The following TRPM3 variants were observed in gnomAD, a reference collection of about 807,000 sequenced individuals.
TRPM3 encodes the protein long transient receptor potential channel 3.
Under a neutral mutation model 181.2 loss-of-function variants are expected in TRPM3, and 77 were observed. That is an observed-to-expected ratio of 0.42 (90% CI 0.35 to 0.51). The LOEUF is 0.51. TRPM3 is among the 20% of genes least tolerant of loss of function. The pLI, the probability that TRPM3 is intolerant of heterozygous loss-of-function variation, is 0.01. For missense variants in TRPM3, 1,759 were observed against 2,196.7 expected, an observed-to-expected ratio of 0.80 and a Z score of 3.98; for synonymous variants, 745 against 796.4, an observed-to-expected ratio of 0.94 and a Z score of 1.09.
chr9:70,970,268 C>T (rs1260172209), intron 1 of TRPM3, among the ~76,000 whole-genome samples: 5 of 152,102 alleles, frequency 3.3e-5, no homozygotes, highest in South Asian at 2.1e-4. Context: ...ATAAATGATG[C>T]CCCTTAGGGT....
chr9:71,319,520 G>A (rs141730676), intron 1 of TRPM3, among the ~76,000 whole-genome samples: 4 of 152,206 alleles, frequency 2.6e-5, no homozygotes, highest in East Asian at 1.9e-4. Context: ...TAATGGCTTG[G>A]ATGATGCCTG....
intron 1 of TRPM3, among the ~76,000 whole-genome samples, chr9:71,084,687 G>A (rs2064980482): frequency 6.6e-6 from 1 of 151,954 alleles, no homozygotes; most frequent in Non-Finnish European, 1.5e-5. Context: ...TCATTAAAAT[G>A]GCCATGCTGC....
intron 1 of TRPM3, among the ~76,000 whole-genome samples, chr9:71,258,418 T>C (rs1249117659): frequency 1.3e-5 from 2 of 152,210 alleles, no homozygotes; most frequent in Non-Finnish European, 2.9e-5. Context: ...ATGAATTCTA[T>C]TTATTACAGG....
At chr9:70,689,975 T>C (rs2068041226) in intron 8 of TRPM3, among the ~76,000 whole-genome samples, 1 of 152,124 alleles carries the variant, frequency 6.6e-6, no homozygotes, top group Non-Finnish European at 1.5e-5. Flanking sequence ...GACAATGAAA[T>C]TGACTCACTT....
intron 1 of TRPM3, among the ~76,000 whole-genome samples, chr9:71,027,718 GC>G (rs1424903397): frequency 6.6e-6 from 1 of 152,120 alleles, no homozygotes; most frequent in East Asian, 1.9e-4. Flanking sequence ...AAATCTCAGA[GC>G]CTTGAAGACT....
intron 1 of TRPM3, among the ~76,000 whole-genome samples, chr9:70,998,110 G>A (rs2134198425): frequency 6.8e-6 from 1 of 147,912 alleles, no homozygotes; most frequent in Non-Finnish European, 1.5e-5. Context: ...CATATATAAT[G>A]CTCTAATTGT....
intron 1 of TRPM3, among the ~76,000 whole-genome samples, chr9:71,024,181 A>G (rs554828288): frequency 6.6e-6 from 1 of 152,332 alleles, no homozygotes; most frequent in South Asian, 2.1e-4. Context: ...AAATATTAAA[A>G]AACATATAAA....
intron 9 of TRPM3, among the ~76,000 whole-genome samples, chr9:70,669,144 G>T (rs958645207): frequency 6.6e-6 from 1 of 152,246 alleles, no homozygotes; most frequent in Non-Finnish European, 1.5e-5. Context: ...GCTGCCATCA[G>T]AACTGGCTGC....
At chr9:71,111,672 T>C (rs937186578) in intron 1 of TRPM3, among the ~76,000 whole-genome samples, 18 of 152,312 alleles carry the variant, frequency 1.2e-4, no homozygotes, top group African/African-American at 4.3e-4. Context: ...CCTGCAAACT[T>C]ATCTGCCAGG....
intron 1 of TRPM3, among the ~76,000 whole-genome samples, chr9:70,905,499 T>C (rs2096451103): frequency 6.6e-6 from 1 of 152,224 alleles, no homozygotes; most frequent in Non-Finnish European, 1.5e-5. Context: ...GTTGTAATTA[T>C]ACAATTATAT....
intron 1 of TRPM3, among the ~76,000 whole-genome samples, chr9:71,139,068 A>T (rs1351860125): frequency 6.6e-6 from 1 of 152,050 alleles, no homozygotes; most frequent in Non-Finnish European, 1.5e-5. Context: ...GTTACTTTTC[A>T]TTTTGTTAAT....
intron 1 of TRPM3, among the ~76,000 whole-genome samples, chr9:71,136,839 C>T (rs1050744123): frequency 1.3e-5 from 2 of 152,134 alleles, no homozygotes; most frequent in African/African-American, 4.8e-5. Context: ...AGGCCCATGG[C>T]GCACTTTGAA....
intron 22 of TRPM3, among the ~76,000 whole-genome samples, chr9:70,574,567 GTATT>G (rs2053419808): frequency 6.6e-6 from 1 of 152,188 alleles, no homozygotes; most frequent in South Asian, 2.1e-4. Flanking sequence ...TTATGATTAA[GTATT>G]TATTTGTGTA....
chr9:71,339,675 G>A (rs537917129), intron 1 of TRPM3, among the ~76,000 whole-genome samples: 5 of 152,152 alleles, frequency 3.3e-5, no homozygotes, highest in African/African-American at 1.2e-4. Context: ...ACTCTATTTA[G>A]TACTCTAGAA....
At chr9:70,838,589 C>T (rs10868903) in intron 5 of TRPM3, among the ~76,000 whole-genome samples, 80,265 of 151,814 alleles carry the variant, frequency 0.53, 21,824 homozygotes, top group Non-Finnish European at 0.56. Context: ...AGGGATATGA[C>T]GTTAAGGGTG....
intron 7 of TRPM3, among the ~76,000 whole-genome samples, chr9:70,779,410 T>A (rs1229516587): frequency 1.3e-5 from 2 of 152,152 alleles, no homozygotes; most frequent in Non-Finnish European, 2.9e-5. Flanking sequence ...GTAATAAAAT[T>A]TGGATGAACG....
At chr9:70,761,916 C>G (rs1296677796) in intron 7 of TRPM3, among the ~76,000 whole-genome samples, 192 bp from the exon 8 acceptor site, 1 of 152,156 alleles carries the variant, frequency 6.6e-6, no homozygotes, top group African/African-American at 2.4e-5. Context: ...ATCAATTTTA[C>G]TCTCTCAGAA....
intron 1 of TRPM3, among the ~76,000 whole-genome samples, chr9:71,397,855 A>G (rs2093238554): frequency 6.6e-6 from 1 of 152,244 alleles, no homozygotes; most frequent in Admixed American, 6.5e-5. Flanking sequence ...AGATTTTTTA[A>G]GTTAGCAGAA....
intron 1 of TRPM3, among the ~76,000 whole-genome samples, chr9:71,088,998 T>C (rs1422921163): frequency 6.6e-6 from 1 of 151,240 alleles, no homozygotes; most frequent in Non-Finnish European, 1.5e-5. Context: ...TACATATCTC[T>C]GAAAAATAAT....
Sources: allele counts gnomAD v4.1 joint callset (sites outside exome capture counted in the v4.1 genomes callset), GRCh38; gene constraint gnomAD v4.1.1; transcripts MANE v1.5; gene names NCBI Gene and HGNC (gene_info 2026-07-23, HGNC 2026-07-21).